TMEM143: variants seen among roughly 807,000 people sequenced by gnomAD.
TMEM143 encodes the protein transmembrane protein 143.
A neutral mutation model predicts 40.3 loss-of-function variants in TMEM143; 45 were observed. The observed-to-expected ratio is 1.12, with a 90% CI of 0.88 to 1.43. The LOEUF is 1.43. Ranked by LOEUF, TMEM143 falls within the 40% of genes most tolerant of loss-of-function variation. The pLI, the probability that TMEM143 is intolerant of heterozygous loss-of-function variation, is 0.00. For synonymous variants in TMEM143, 299 were observed against 282.7 expected, an observed-to-expected ratio of 1.06 and a Z score of -0.58; for missense variants, 620 against 613.4, an observed-to-expected ratio of 1.01 and a Z score of -0.11.
chr19:48,341,202 G>A (rs550227301), intron 6 of TMEM143, among the ~76,000 whole-genome samples: 81 of 152,298 alleles, frequency 5.3e-4, no homozygotes, highest in African/African-American at 1.9e-3. Flanking sequence ...ATCAGTAAAA[G>A]GCAGCTCCCC....
intron 3 of TMEM143, among the ~76,000 whole-genome samples, chr19:48,352,255 A>AAAAAAAAAAAAAAAAAAAAC (rs1271099227): frequency 6.7e-6 from 1 of 148,198 alleles, no homozygotes; most frequent in African/African-American, 2.5e-5. Context: ...TCAAAAAAAA[A>AAAAAAAAAAAAAAAAAAAAC]AAAAAAACAC....
chr19:48,334,227 A>G (rs775613199), intron 6 of TMEM143, 30 bp from the exon 7 acceptor site: 168 of 1,561,884 alleles, frequency 1.1e-4, no homozygotes, highest in Admixed American at 2.2e-4. Context: ...CCGTGGGCTC[A>G]GTTCGGGGTG....
At chr19:48,353,495 G>A (rs1038406562) in intron 3 of TMEM143, among the ~76,000 whole-genome samples, 10 of 151,592 alleles carry the variant, frequency 6.6e-5, no homozygotes, top group Non-Finnish European at 1.0e-4. Context: ...AACAACAAAC[G>A]ATTTTTTTAG....
At chr19:48,354,352 C>A (rs953874199) in intron 3 of TMEM143, among the ~76,000 whole-genome samples, 1 of 151,132 alleles carries the variant, frequency 6.6e-6, no homozygotes, top group African/African-American at 2.4e-5. Flanking sequence ...GCAGCCTCCG[C>A]CTCCTGGGTG....
At chr19:48,363,225 C>G in intron 2 of TMEM143, 66 bp downstream of exon 2, 1 of 1,540,782 alleles carries the variant, frequency 6.5e-7, no homozygotes, top group Non-Finnish European at 8.7e-7. Flanking sequence ...GCAACTAGGG[C>G]CCTGCCGCCG....
chr19:48,357,349 CTTTTTTTTT>C (rs1195099137), intron 3 of TMEM143, among the ~76,000 whole-genome samples: 2 of 74,828 alleles, frequency 2.7e-5, no homozygotes, highest in African/African-American at 1.0e-4. Context: ...GTCTATCTTT[CTTTTTTTTT>C]TTTTTTTTTT....
chr19:48,354,660 C>G (rs1360171955), intron 3 of TMEM143, among the ~76,000 whole-genome samples: 1 of 152,152 alleles, frequency 6.6e-6, no homozygotes, highest in African/African-American at 2.4e-5. Context: ...CCCAGAGCCT[C>G]AAGCCATTCC....
Position 48,333,961 on chromosome 19 carries a change from C to T in TMEM143, c.1165+47G>A, listed in dbSNP as rs1482409790. Reference sequence around the variant, plus strand: ...GACGCATCTCGCTGGGGCGGGGCCTCGCGGGGGTGTGGCCCCTGGGGGCAG... The same window carrying T: ...GACGCATCTCGCTGGGGCGGGGCCTTGCGGGGGTGTGGCCCCTGGGGGCAG... On this transcript the variant is annotated intron_variant, in intron 7 of 7. Transcript: ENST00000293261. The surrounding 1 kb of genome is among the most constrained non-coding windows in gnomAD (Gnocchi z 4.1). 1 of 1,469,576 alleles carries T rather than the reference C, an allele frequency of 6.8e-7. No individual in the cohort carries two copies. The highest frequency in any genetic ancestry group is 9.0e-7 in the Non-Finnish European group (1 of 1,111,132). The allele number at this position is 1,469,576 out of a possible 1,614,324, so 91.0% of individuals were successfully genotyped here. A position where few individuals can be genotyped will look rare whatever the true frequency, so the allele number is the denominator to read the frequency against.
rs777245573 is a variant in TMEM143 at position 48,363,896 on chromosome 19, A to T, written c.23+2T>A. 39 of 1,613,638 alleles carry T rather than the reference A, an allele frequency of 2.4e-5. No individual in the cohort carries two copies. Among genetic ancestry groups the T allele is most frequent in the Admixed American group, 3.3e-5 (2 of 59,974 alleles). ...CATGCAATCCCCCGATTTCTCCCTC[A>T]CCTTAGCCAAAGCTCGACTGTCATT... On this transcript the variant is annotated splice_donor_variant, in intron 1 of 7. Coordinates refer to ENST00000293261, the MANE Select transcript of TMEM143 (RefSeq NM_018273.4). LOFTEE classifies it high-confidence loss of function.
chr19:48,351,679 C>A (rs1969778075), intron 3 of TMEM143, among the ~76,000 whole-genome samples: 1 of 152,108 alleles, frequency 6.6e-6, no homozygotes, highest in South Asian at 2.1e-4. Flanking sequence ...ATGCACACTG[C>A]TGCCCCAGGG....
rs57661893 is a variant in TMEM143, at chr19:48,353,183, CT to C, written c.369+6888del. ...ATCTGAATTTCAGATCAACGACAAACTTTTTTTTTTTTTTTAAACGGGGTCT... is the reference window on the plus strand; with the variant it reads ...ATCTGAATTTCAGATCAACGACAAACTTTTTTTTTTTTTTAAACGGGGTCT... On this transcript the variant is annotated intron_variant, in intron 3 of 7. Coordinates refer to ENST00000293261, the MANE Select transcript of TMEM143 (RefSeq NM_018273.4). Among the ~76,000 whole-genome samples, 598 of 145,120 alleles carry C rather than the reference CT, an allele frequency of 4.1e-3. 5 individuals carry two copies. The highest frequency in any genetic ancestry group is 0.013 in the African/African-American group (502 of 39,338).
chr19:48,336,933 A>G (rs1050838815), intron 6 of TMEM143, among the ~76,000 whole-genome samples: 3 of 151,582 alleles, frequency 2.0e-5, no homozygotes, highest in African/African-American at 7.3e-5. Flanking sequence ...AGGCAGGAGA[A>G]TGGCGTGAAC....
At chr19:48,355,605 T>C (rs1203259917) in intron 3 of TMEM143, among the ~76,000 whole-genome samples, 2 of 152,090 alleles carry the variant, frequency 1.3e-5, no homozygotes, top group Non-Finnish European at 2.9e-5. Flanking sequence ...ATGGCCACTG[T>C]TGCTGGGGTT....
In TMEM143 at chr19:48,333,025, G is replaced by A; in HGVS notation, c.*194C>T. The A allele has an allele frequency of 2.4e-6, 1 of 416,658 alleles. No homozygotes were observed. The highest frequency in any genetic ancestry group is 9.0e-5 in the South Asian group (1 of 11,092). 25.8% of individuals were successfully genotyped at this position (416,658 alleles called of 1,614,324 possible). A position where few individuals can be genotyped will look rare whatever the true frequency, so the allele number is the denominator to read the frequency against. ...CGCTTTGATTGGCTGTTCATCGAAG[G>A]GGCGGGGAAGACTTAACAACTGCTA... On this transcript the variant is annotated 3_prime_UTR_variant, in exon 8 of 8. Transcript: ENST00000293261. This position sits in a 1 kb window ranked among gnomAD's most constrained non-coding sequence, Gnocchi z 4.1.
intron 3 of TMEM143, among the ~76,000 whole-genome samples, chr19:48,351,606 T>A (rs185705789): frequency 6.6e-6 from 1 of 151,618 alleles, no homozygotes; most frequent in Non-Finnish European, 1.5e-5. Flanking sequence ...CCTCACCTCC[T>A]CTCTCTTCCC....
chr19:48,343,109 A>G, intron 5 of TMEM143: 1 of 725,274 alleles, frequency 1.4e-6, no homozygotes, highest in South Asian at 2.0e-5. Context: ...AAATGGGGAG[A>G]ACTGTCCCCA....
chr19:48,342,809 C>T lies in TMEM143; in HGVS notation c.696G>A (p.Arg232=), dbSNP rs1969531183. 4.4e-6 allele frequency: 7 copies of T among 1,596,838 alleles called. No individual in the cohort carries two copies. Among genetic ancestry groups the T allele is most frequent in the Middle Eastern group, 1.7e-4 (1 of 5,996 alleles). ...CCAGGACCACCCGCTTAAAGTATCT[C>T]CTGAGGGACAGAGACAGAGGCAGGA... ...GFFTKLPPAE[R]RYFKRVVLAA... The change falls in exon 6 of 8, where the codon AGG becomes AGA. Residue 232 remains arginine, a splice_region_variant and synonymous_variant. Coordinates refer to ENST00000293261, the MANE Select transcript of TMEM143 (RefSeq NM_018273.4).
chr19:48,361,423 G>A (rs988408724), intron 2 of TMEM143, among the ~76,000 whole-genome samples: 1 of 151,956 alleles, frequency 6.6e-6, no homozygotes, highest in Admixed American at 6.6e-5. Context: ...TCACCATGTT[G>A]GCCAGGCTGG....
At chr19:48,343,094 T>C (rs933154779) in intron 5 of TMEM143, 10 of 706,032 alleles carry the variant, frequency 1.4e-5, no homozygotes, top group Admixed American at 9.1e-5. Context: ...GTTTTCCTTA[T>C]TGGAAAATGG....
Sources: allele counts gnomAD v4.1 joint callset (sites outside exome capture counted in the v4.1 genomes callset), GRCh38; gene constraint gnomAD v4.1.1; non-coding constraint Gnocchi (gnomAD v3.1); transcripts MANE v1.5; gene names NCBI Gene and HGNC (gene_info 2026-07-23, HGNC 2026-07-21).